HSD17B12: variants seen among roughly 807,000 people sequenced by gnomAD.
The protein encoded by HSD17B12 is very-long-chain 3-oxoacyl-CoA reductase.
Under a neutral mutation model 39.3 loss-of-function variants are expected in HSD17B12, and 32 were observed. That is an observed-to-expected ratio of 0.81 (90% confidence interval 0.61 to 1.09). HSD17B12 has a LOEUF of 1.09. HSD17B12 is among the 50% of genes least tolerant of loss of function. The pLI, the probability that HSD17B12 is intolerant of heterozygous loss-of-function variation, is 0.00. For synonymous variants in HSD17B12, 150 were observed against 146.7 expected, an observed-to-expected ratio of 1.02 and a Z score of -0.16; for missense variants, 342 against 382.9, an observed-to-expected ratio of 0.89 and a Z score of 0.89.
At chr11:43,789,450 A>G (rs1950846487) in intron 3 of HSD17B12, among the ~76,000 whole-genome samples, 2 of 152,182 alleles carry the variant, frequency 1.3e-5, no homozygotes, top group Admixed American at 6.5e-5. Flanking sequence ...TCCTGCCCTC[A>G]TAGAGCTTAC....
At chr11:43,847,013 G>C (rs1379950929) in intron 9 of HSD17B12, among the ~76,000 whole-genome samples, 1 of 152,162 alleles carries the variant, frequency 6.6e-6, no homozygotes, top group African/African-American at 2.4e-5. Context: ...CCACAAATAA[G>C]ACAATTGTAT....
intron 6 of HSD17B12, among the ~76,000 whole-genome samples, chr11:43,817,136 T>C (rs1169116777): frequency 1.3e-5 from 2 of 151,916 alleles, no homozygotes; most frequent in African/African-American, 4.8e-5. Flanking sequence ...GCCATTTGCA[T>C]ATTGTCTTTT....
the HSD17B12 span, among the ~76,000 whole-genome samples, chr11:43,651,833 C>T: frequency 6.6e-6 from 1 of 152,226 alleles, no homozygotes; most frequent in Non-Finnish European, 1.5e-5. Context: ...CCTGGTTAGC[C>T]TCCCGAAGTG....
At chr11:43,694,903 G>A (rs1005919065) in intron 1 of HSD17B12, among the ~76,000 whole-genome samples, 10 of 152,046 alleles carry the variant, frequency 6.6e-5, no homozygotes, top group South Asian at 2.1e-4. Flanking sequence ...GGCCAGGCAC[G>A]GTGGCTGACA....
intron 1 of HSD17B12, among the ~76,000 whole-genome samples, chr11:43,707,326 G>A (rs1464682867): frequency 6.6e-6 from 1 of 152,204 alleles, no homozygotes; most frequent in East Asian, 1.9e-4. Context: ...AATAATAGAG[G>A]AGGATAGAGA....
At chr11:43,738,504 A>G (rs894681612) in intron 1 of HSD17B12, among the ~76,000 whole-genome samples, 1 of 152,014 alleles carries the variant, frequency 6.6e-6, no homozygotes, top group Non-Finnish European at 1.5e-5. Context: ...TCTCTCTGTT[A>G]AAGTTCTTGA....
At chr11:43,568,543 T>A in the HSD17B12 span, among the ~76,000 whole-genome samples, 1 of 152,200 alleles carries the variant, frequency 6.6e-6, no homozygotes, top group Non-Finnish European at 1.5e-5. Flanking sequence ...AGAGTTTCCA[T>A]GACAGAAGTG....
intron 3 of HSD17B12, among the ~76,000 whole-genome samples, chr11:43,771,670 T>TA: frequency 6.6e-6 from 1 of 152,008 alleles, no homozygotes; most frequent in African/African-American, 2.4e-5. Flanking sequence ...CTTCACCATG[T>TA]TGACCACACT....
At chr11:43,645,539 G>T in the HSD17B12 span, 2 of 152,182 alleles carry the variant, frequency 1.3e-5, no homozygotes, top group Non-Finnish European at 2.9e-5. Context: ...GATTTATAGA[G>T]AGAGTAAAAA....
the HSD17B12 span, among the ~76,000 whole-genome samples, chr11:43,587,387 A>G: frequency 4.6e-3 from 700 of 152,240 alleles, 2 homozygotes; most frequent in African/African-American, 0.016. Flanking sequence ...ATAGACCCCA[A>G]GTTAAAATTT....
At chr11:43,619,164 GAT>G in the HSD17B12 span, among the ~76,000 whole-genome samples, 14 of 61,934 alleles carry the variant, frequency 2.3e-4, no homozygotes, top group East Asian at 7.3e-4. Context: ...GTATATATAT[GAT>G]ATATATATAT....
chr11:43,808,660 G>T (rs565010065), intron 4 of HSD17B12, among the ~76,000 whole-genome samples: 1 of 152,140 alleles, frequency 6.6e-6, no homozygotes, highest in African/African-American at 2.4e-5. Context: ...TTGTAATGAA[G>T]ATCACATAGC....
At chr11:43,774,134 AG>A (rs954494772) in intron 3 of HSD17B12, among the ~76,000 whole-genome samples, 1 of 152,192 alleles carries the variant, frequency 6.6e-6, no homozygotes, top group African/African-American at 2.4e-5. Flanking sequence ...ACTACGCTGT[AG>A]GGCAAGCTCA....
the HSD17B12 span, chr11:43,584,455 A>G: frequency 0.16 from 24,178 of 152,222 alleles, 2,079 homozygotes; most frequent in Middle Eastern, 0.27. Flanking sequence ...CCTTTCCTTC[A>G]GTCTTCCCAC....
intron 10 of HSD17B12, 30 bp downstream of exon 10, chr11:43,854,894 TACTTTCTGGCTTG>T: frequency 6.2e-7 from 1 of 1,609,428 alleles, no homozygotes; most frequent in Non-Finnish European, 8.5e-7. Flanking sequence ...CACAAATCAA[TACTTTCTGGCTTG>T]GGGTTTCTTT....
intron 7 of HSD17B12, 183 bp from the exon 8 acceptor site, chr11:43,838,134 G>T: frequency 1.8e-6 from 1 of 563,762 alleles, no homozygotes; most frequent in Non-Finnish European, 3.2e-6. Context: ...ATTTTTAGTT[G>T]ATTGAATTAT....
At chr11:43,674,344 T>C in the HSD17B12 span, among the ~76,000 whole-genome samples, 1 of 152,190 alleles carries the variant, frequency 6.6e-6, no homozygotes, top group Non-Finnish European at 1.5e-5. Flanking sequence ...ATTCCAAAAG[T>C]GTGTGACCAC....
chr11:43,815,647 C>T, intron 5 of HSD17B12, 146 bp downstream of exon 5: 1 of 480,252 alleles, frequency 2.1e-6, no homozygotes. Flanking sequence ...GGGTATGGGC[C>T]TAGCCATACT....
intron 1 of HSD17B12, among the ~76,000 whole-genome samples, chr11:43,742,761 T>G (rs77038899): frequency 1.7e-3 from 247 of 141,396 alleles, no homozygotes; most frequent in African/African-American, 7.1e-3. Context: ...TGTGTGTGTG[T>G]TTTTTTTTTG....
Sources: allele counts gnomAD v4.1 joint callset (sites outside exome capture counted in the v4.1 genomes callset), GRCh38; gene constraint gnomAD v4.1.1; transcripts MANE v1.5; gene names NCBI Gene and HGNC (gene_info 2026-07-23, HGNC 2026-07-21).